HTR1F: variants seen among roughly 807,000 people sequenced by gnomAD.
HTR1F encodes the protein 5-hydroxytryptamine receptor 1F, also known as 5-hydroxytryptamine (serotonin) receptor 1F, G protein-coupled.
In HTR1F, 17 loss-of-function variants were observed where a neutral mutation model predicts 24.0. That is an observed-to-expected ratio of 0.71 (90% CI 0.48 to 1.06). The LOEUF (loss-of-function observed/expected upper bound fraction) is 1.06, where lower values mean the gene tolerates loss of function less well. Ranked by LOEUF, HTR1F falls within the 50% of genes least tolerant of loss-of-function variation. The probability of loss-of-function intolerance (pLI) is 0.00; values close to 1 mark genes in which losing one functional copy is unlikely to be tolerated. For missense variants in HTR1F, 391 were observed against 427.8 expected (o/e 0.91, Z 0.76); for synonymous variants, 186 against 156.8 (o/e 1.19, Z -1.39).
intron 2 of HTR1F, among the ~76,000 whole-genome samples, chr3:87,982,658 A>G (rs1199612076): frequency 6.6e-6 from 1 of 152,136 alleles, no homozygotes; most frequent in Non-Finnish European, 1.5e-5. Context: ...GAATTAGAGA[A>G]CCAAATCAGA....
intron 2 of HTR1F, among the ~76,000 whole-genome samples, chr3:87,966,807 C>A (rs1452494656): frequency 6.6e-6 from 1 of 152,134 alleles, no homozygotes; most frequent in African/African-American, 2.4e-5. Context: ...TTCCATCACA[C>A]ATTTTACAAA....
chr3:87,826,280 C>T (rs1263538874), intron 2 of HTR1F, among the ~76,000 whole-genome samples: 1 of 152,178 alleles, frequency 6.6e-6, no homozygotes, highest in Non-Finnish European at 1.5e-5. Flanking sequence ...TTCTGCAAAT[C>T]CTCTTTCTAT....
At chr3:87,879,506 C>T (rs1322426799) in intron 2 of HTR1F, among the ~76,000 whole-genome samples, 1 of 152,124 alleles carries the variant, frequency 6.6e-6, no homozygotes, top group Non-Finnish European at 1.5e-5. Flanking sequence ...TCTGCCCTAG[C>T]ACAAAACCCT....
At chr3:87,910,714 A>T (rs537770106) in intron 2 of HTR1F, among the ~76,000 whole-genome samples, 2 of 152,200 alleles carry the variant, frequency 1.3e-5, no homozygotes, top group South Asian at 4.1e-4. Flanking sequence ...TTGAACACAC[A>T]GTCAGACATA....
intron 2 of HTR1F, among the ~76,000 whole-genome samples, chr3:87,880,569 T>G (rs1575980491): frequency 6.6e-6 from 1 of 152,090 alleles, no homozygotes; most frequent in Non-Finnish European, 1.5e-5. Flanking sequence ...TTTCTTCAAT[T>G]TATTCATTGA....
intron 2 of HTR1F, among the ~76,000 whole-genome samples, chr3:87,849,527 C>A (rs1705031425): frequency 6.6e-6 from 1 of 152,014 alleles, no homozygotes; most frequent in Non-Finnish European, 1.5e-5. Flanking sequence ...CTAGGCAATA[C>A]CATTCAGGAC....
chr3:87,891,715 G>A (rs1053866995), intron 2 of HTR1F, among the ~76,000 whole-genome samples: 2 of 152,092 alleles, frequency 1.3e-5, no homozygotes, highest in African/African-American at 4.8e-5. Context: ...ATACTTCGTT[G>A]TTTCTCTCAC....
Position 87,822,670 on chromosome 3 carries a change from T to G in HTR1F, c.-43+546T>G, listed in dbSNP as rs150928885. Among the ~76,000 whole-genome samples the G allele has an allele frequency of 2.0e-5, 3 of 152,316 alleles. No individual in the cohort carries two copies. In the East Asian group the frequency reaches 5.8e-4, roughly 29 times the overall value. On this transcript the variant is annotated intron_variant, in intron 2 of 2. Coordinates refer to ENST00000319595, the MANE Select transcript of HTR1F (RefSeq NM_001322209.2). ...ATGATTTTTAAGAACAGCTACTGCT[T>G]ATTTTGCTCAGGTTGCTTATTGCCC...
chr3:87,889,536 T>C (rs1706032599), intron 2 of HTR1F, among the ~76,000 whole-genome samples: 2 of 152,298 alleles, frequency 1.3e-5, no homozygotes, highest in East Asian at 3.9e-4. Flanking sequence ...AGGACAAGTG[T>C]TCTGACTAAG....
intron 2 of HTR1F, among the ~76,000 whole-genome samples, chr3:87,871,408 A>T (rs1359963974): frequency 6.6e-6 from 1 of 152,092 alleles, no homozygotes; most frequent in Non-Finnish European, 1.5e-5. Context: ...TATGGGACTT[A>T]TGGGGTACTG....
intron 2 of HTR1F, among the ~76,000 whole-genome samples, chr3:87,978,266 A>T (rs1250020051): frequency 6.6e-6 from 1 of 152,262 alleles, no homozygotes. Flanking sequence ...CCACTCCCTG[A>T]GCTCCCAGAA....
chr3:87,880,910 T>C (rs985743390), intron 2 of HTR1F, among the ~76,000 whole-genome samples: 3 of 152,180 alleles, frequency 2.0e-5, no homozygotes, highest in Admixed American at 6.5e-5. Flanking sequence ...AGATAATACT[T>C]GGTATGAGAA....
At chr3:87,929,642 C>T (rs1301408098) in intron 2 of HTR1F, among the ~76,000 whole-genome samples, 5 of 152,084 alleles carry the variant, frequency 3.3e-5, no homozygotes, top group African/African-American at 1.2e-4. Flanking sequence ...GCTCTCTACT[C>T]AGTTCCATTG....
intron 2 of HTR1F, among the ~76,000 whole-genome samples, chr3:87,840,725 T>G (rs1458491978): frequency 6.6e-6 from 1 of 152,026 alleles, no homozygotes; most frequent in Admixed American, 6.6e-5. Context: ...GTGATGTATA[T>G]ATGCAATAAA....
chr3:87,949,836 T>C (rs1704794173), intron 2 of HTR1F, among the ~76,000 whole-genome samples: 1 of 152,202 alleles, frequency 6.6e-6, no homozygotes, highest in South Asian at 2.1e-4. Flanking sequence ...ACCTCACCGT[T>C]CCCAGTTTGA....
intron 1 of HTR1F, among the ~76,000 whole-genome samples, chr3:87,815,241 G>A (rs1207459815): frequency 6.6e-6 from 1 of 152,044 alleles, no homozygotes; most frequent in Non-Finnish European, 1.5e-5. Flanking sequence ...TGTCTGCAGT[G>A]TTTTAATGGA....
chr3:87,861,723 A>G (rs1382943743), intron 2 of HTR1F, among the ~76,000 whole-genome samples: 1 of 152,148 alleles, frequency 6.6e-6, no homozygotes, highest in African/African-American at 2.4e-5. Context: ...TTAGATGGCC[A>G]ATTCCTTCCC....
At chr3:87,945,399 C>T (rs1452949217) in intron 2 of HTR1F, among the ~76,000 whole-genome samples, 1 of 152,056 alleles carries the variant, frequency 6.6e-6, no homozygotes, top group Non-Finnish European at 1.5e-5. Context: ...CAGAGGAAGT[C>T]GATTCAGAGG....
chr3:87,843,440 A>C (rs1704852842), intron 2 of HTR1F, among the ~76,000 whole-genome samples: 1 of 151,612 alleles, frequency 6.6e-6, no homozygotes, highest in Non-Finnish European at 1.5e-5. Context: ...ACTTGAGAGC[A>C]AACATAAATT....
Sources: allele counts gnomAD v4.1 joint callset (sites outside exome capture counted in the v4.1 genomes callset), GRCh38; gene constraint gnomAD v4.1.1; transcripts MANE v1.5; gene names NCBI Gene and HGNC (gene_info 2026-07-23, HGNC 2026-07-21).